NALF1: variants seen among roughly 807,000 people sequenced by gnomAD.
The protein encoded by NALF1 is family with sequence similarity 155 member A.
NALF1 carries 3 observed loss-of-function variants against 48.4 expected under a neutral mutation model. The ratio of observed to expected loss-of-function variants is 0.06; its 90% CI spans 0.03 to 0.16. The LOEUF (loss-of-function observed/expected upper bound fraction) is 0.16, where lower values mean the gene tolerates loss of function less well. NALF1 is among the 10% of genes least tolerant of loss of function. The pLI, the probability that NALF1 is intolerant of heterozygous loss-of-function variation, is 1.00. For synonymous variants in NALF1, 262 were observed against 245.7 expected, an observed-to-expected ratio of 1.07 and a Z score of -0.62; for missense variants, 526 against 571.5, an observed-to-expected ratio of 0.92 and a Z score of 0.81.
intron 1 of NALF1, among the ~76,000 whole-genome samples, chr13:107,604,178 A>T (rs1879005204): frequency 6.6e-6 from 1 of 152,190 alleles, no homozygotes; most frequent in Non-Finnish European, 1.5e-5. Context: ...ATCAGAAATG[A>T]TGTACTCCTT....
At chr13:107,225,427 C>A (rs1345908392) in intron 1 of NALF1, among the ~76,000 whole-genome samples, 2 of 152,124 alleles carry the variant, frequency 1.3e-5, no homozygotes, top group Non-Finnish European at 2.9e-5. Flanking sequence ...CAGGTGCATG[C>A]CACCATGCCT....
intron 1 of NALF1, among the ~76,000 whole-genome samples, chr13:107,213,230 CAAAAAAAAAAAAAA>C (rs386380636): frequency 9.7e-6 from 1 of 103,384 alleles, no homozygotes; most frequent in Non-Finnish European, 1.8e-5. Context: ...TTTTTTAACT[CAAAAAAAAAAAAAA>C]AAAAAAGAAA....
chr13:107,826,517 G>A (rs901358300), intron 1 of NALF1, among the ~76,000 whole-genome samples: 7 of 152,220 alleles, frequency 4.6e-5, no homozygotes, highest in Admixed American at 1.3e-4. Context: ...AGACGCCAAC[G>A]GGGCTCCAGG....
chr13:107,201,684 T>C (rs1879524539), intron 2 of NALF1, among the ~76,000 whole-genome samples: 1 of 152,206 alleles, frequency 6.6e-6, no homozygotes. Flanking sequence ...GTGATTGAAA[T>C]TATTTTCATT....
intron 1 of NALF1, among the ~76,000 whole-genome samples, chr13:107,232,112 C>T (rs950832847): frequency 3.3e-5 from 5 of 152,168 alleles, no homozygotes; most frequent in Non-Finnish European, 5.9e-5. Flanking sequence ...ACGATATGTA[C>T]GTCAATCCTG....
chr13:107,276,615 T>C (rs1881286561), intron 1 of NALF1, among the ~76,000 whole-genome samples: 1 of 152,204 alleles, frequency 6.6e-6, no homozygotes, highest in South Asian at 2.1e-4. Flanking sequence ...TTTATATGCC[T>C]GCTGTTTTGA....
At chr13:107,400,904 A>G (rs1883795443) in intron 1 of NALF1, among the ~76,000 whole-genome samples, 1 of 152,048 alleles carries the variant, frequency 6.6e-6, no homozygotes, top group African/African-American at 2.4e-5. Flanking sequence ...GAGATCCCAC[A>G]TACACACTTT....
Position 107,215,839 on chromosome 13 carries a change from T to C in NALF1, c.916-5084A>G, listed in dbSNP as rs529972958. 9.3e-5 allele frequency among the ~76,000 whole-genome samples: 12 copies of C among 129,348 alleles called. No homozygotes were observed. The East Asian group carries it at 2.8e-3, about 31-fold the overall frequency. The allele number at this position is 129,348 out of a possible 152,430, so 84.9% of individuals were successfully genotyped here. ...CTTTCAAAAAATGCCCTATGATTAA[T>C]ATTTTTCCAGCAGAAGGTCAGCTTC... On this transcript the variant is annotated intron_variant, in intron 1 of 2. Transcript: ENST00000375915.
Position 107,184,723 on chromosome 13 carries a change from A to T in NALF1, c.1088-13937T>A, listed in dbSNP as rs146350295. On this transcript the variant is annotated intron_variant, in intron 2 of 2. Coordinates refer to ENST00000375915, the MANE Select transcript of NALF1 (RefSeq NM_001080396.3). ...TGTATTGAGAGCTGATGCTATCTAAAACTACTCCTGTAGTAATTTGTCTCA... is the reference window on the plus strand; with the variant it reads ...TGTATTGAGAGCTGATGCTATCTAATACTACTCCTGTAGTAATTTGTCTCA... Among the ~76,000 whole-genome samples the T allele has an allele frequency of 1.8e-3, 271 of 152,294 alleles. 1 individual carries two copies. The highest frequency in any genetic ancestry group is 6.2e-3 in the African/African-American group (256 of 41,552).
At chr13:107,312,599 C>T (rs973111606) in intron 1 of NALF1, among the ~76,000 whole-genome samples, 2 of 151,964 alleles carry the variant, frequency 1.3e-5, no homozygotes, top group Non-Finnish European at 2.9e-5. Context: ...CAAAATTAGA[C>T]ATCTCCAAAA....
intron 1 of NALF1, among the ~76,000 whole-genome samples, chr13:107,250,784 G>A (rs1880683318): frequency 6.6e-6 from 1 of 152,092 alleles, no homozygotes; most frequent in South Asian, 2.1e-4. Context: ...GGCCTAGTGG[G>A]AAGTGATTGG....
chr13:107,358,168 ATGTGTG>A lies in NALF1; in HGVS notation c.916-147419_916-147414del, dbSNP rs59782928. On this transcript the variant is annotated intron_variant, in intron 1 of 2. Coordinates refer to ENST00000375915, the MANE Select transcript of NALF1 (RefSeq NM_001080396.3). ...TATACCTATTTTATATACGTAACAT[ATGTGTG>A]TGTGTGTGTGTGTGTGTGTTTAAAA... Among the ~76,000 whole-genome samples the A allele has an allele frequency of 1.2e-4, 17 of 144,012 alleles. 1 individual carries two copies. The Middle Eastern group carries it at 0.01, about 86-fold the overall frequency. 94.5% of individuals were successfully genotyped at this position (144,012 alleles called of 152,430 possible). A position where few individuals can be genotyped will look rare whatever the true frequency, so the allele number is the denominator to read the frequency against.
At chr13:107,240,488 G>T (rs1429533454) in intron 1 of NALF1, among the ~76,000 whole-genome samples, 1 of 152,254 alleles carries the variant, frequency 6.6e-6, no homozygotes, top group East Asian at 1.9e-4. Flanking sequence ...GAAGTTCATG[G>T]CTTTGAAATA....
chr13:107,667,408 A>T (rs1166936015), intron 1 of NALF1, among the ~76,000 whole-genome samples: 2 of 152,072 alleles, frequency 1.3e-5, no homozygotes, highest in Non-Finnish European at 2.9e-5. Flanking sequence ...TTAAAATACA[A>T]GTCAAAAGGA....
chr13:107,293,770 A>G (rs890651664), intron 1 of NALF1, among the ~76,000 whole-genome samples: 1 of 152,216 alleles, frequency 6.6e-6, no homozygotes, highest in African/African-American at 2.4e-5. Context: ...TGCAAGAAGT[A>G]CCTTCCATTG....
chr13:107,531,050 A>T, intron 1 of NALF1: 1 of 154,394 alleles, frequency 6.5e-6, no homozygotes. Context: ...GAGATATTTT[A>T]TTAGGATGCA....
chr13:107,333,046 A>G (rs1050868938), intron 1 of NALF1, among the ~76,000 whole-genome samples: 6 of 152,018 alleles, frequency 3.9e-5, no homozygotes, highest in Non-Finnish European at 5.9e-5. Flanking sequence ...GGGTTTCACC[A>G]TGTTGGCCAG....
chr13:107,313,655 T>C (rs1190618845), intron 1 of NALF1, among the ~76,000 whole-genome samples: 1 of 152,196 alleles, frequency 6.6e-6, no homozygotes, highest in African/African-American at 2.4e-5. Flanking sequence ...TTGTTTTCTC[T>C]ACCTTAATAT....
chr13:107,629,206 CATTT>C (rs1231042994), intron 1 of NALF1, among the ~76,000 whole-genome samples: 1 of 152,116 alleles, frequency 6.6e-6, no homozygotes, highest in Non-Finnish European at 1.5e-5. Context: ...AACACATCTT[CATTT>C]ATTTGACAAT....
Sources: allele counts gnomAD v4.1 joint callset (sites outside exome capture counted in the v4.1 genomes callset), GRCh38; gene constraint gnomAD v4.1.1; transcripts MANE v1.5; gene names NCBI Gene and HGNC (gene_info 2026-07-23, HGNC 2026-07-21).